The following PLA2G4C variants were observed in gnomAD, a reference collection of about 807,000 sequenced individuals.
PLA2G4C encodes cytosolic phospholipase A2 gamma.
In PLA2G4C, 64 loss-of-function variants were observed where a neutral mutation model predicts 73.8. That is an observed-to-expected ratio of 0.87 (90% CI 0.71 to 1.07). The LOEUF is 1.07. Ranked by LOEUF, PLA2G4C falls within the 50% of genes least tolerant of loss-of-function variation. PLA2G4C has a pLI of 0.00. For missense variants in PLA2G4C, 622 were observed against 665.4 expected (o/e 0.93, Z 0.72); for synonymous variants, 254 against 252.1 (o/e 1.01, Z -0.07).
chr19:48,077,723 T>G (rs1288383414), intron 11 of PLA2G4C, 48 bp downstream of exon 11: 6 of 1,372,994 alleles, frequency 4.4e-6, no homozygotes, highest in African/African-American at 1.4e-5. Flanking sequence ...CAAGCCAGTG[T>G]GCAGTCCACA....
rs539177089 is a variant in PLA2G4C at position 48,054,477 on chromosome 19, T to A, written c.1429+401A>T. On this transcript the variant is annotated intron_variant, in intron 15 of 16. Coordinates refer to ENST00000599921, the MANE Select transcript of PLA2G4C (RefSeq NM_003706.3). ...CACCACCAAGCCCAGCAATTTATTTTTTTTTGTTGTTGTATTTTTAGTAGA... is the reference window on the plus strand; with the variant it reads ...CACCACCAAGCCCAGCAATTTATTTATTTTTGTTGTTGTATTTTTAGTAGA... 4.2e-4 allele frequency among the ~76,000 whole-genome samples: 63 copies of A among 150,816 alleles called. 1 individual carries two copies. The highest frequency in any genetic ancestry group is 3.3e-3 in the East Asian group (17 of 5,136).
chr19:48,053,368 T>C lies in PLA2G4C; in HGVS notation c.1430-221A>G, dbSNP rs867702344. On this transcript the variant is annotated intron_variant, in intron 15 of 16. Transcript: ENST00000599921. Reference sequence around the variant, plus strand: ...TGCCCCTTCCGGTCCTTTTTTCTTTTTTTTTTTTTTTTTTTTTTGAGACAG... The same window carrying C: ...TGCCCCTTCCGGTCCTTTTTTCTTTCTTTTTTTTTTTTTTTTTTGAGACAG... 2.1e-3 allele frequency among the ~76,000 whole-genome samples: 189 copies of C among 89,988 alleles called. 2 individuals carry two copies. The highest frequency in any genetic ancestry group is 5.2e-3 in the African/African-American group (164 of 31,432). The allele number at this position is 89,988 out of a possible 152,430, so 59.0% of individuals were successfully genotyped here.
Position 48,082,915 on chromosome 19 carries a change from G to A in PLA2G4C, c.844+2144C>T, listed in dbSNP as rs561448089. ...CGCAAACTCTGCCTCCCAGGTTCAC[G>A]CCATTCTCCTGCCTCAGCCTCCCGA... is the stretch of plus-strand genomic sequence containing the variant. On this transcript the variant is annotated intron_variant, in intron 10 of 16. Coordinates refer to ENST00000599921, the MANE Select transcript of PLA2G4C (RefSeq NM_003706.3). Among the ~76,000 whole-genome samples, 79 of 148,840 alleles carry A rather than the reference G, an allele frequency of 5.3e-4. 1 individual carries two copies. The highest frequency in any genetic ancestry group is 1.8e-3 in the African/African-American group (74 of 40,386).
intron 13 of PLA2G4C, among the ~76,000 whole-genome samples, chr19:48,067,521 G>A (rs1011206907): frequency 2.0e-5 from 3 of 152,102 alleles, no homozygotes; most frequent in African/African-American, 7.2e-5. Flanking sequence ...AGAAATTAGG[G>A]TTTTTTGCAT....
In PLA2G4C at chr19:48,052,743, T is replaced by C. The variant is rs538058287; in HGVS notation, c.1580+254A>G. On this transcript the variant is annotated intron_variant, in intron 16 of 16. Coordinates refer to ENST00000599921, the MANE Select transcript of PLA2G4C (RefSeq NM_003706.3). ...AGCACCATGAGACCATCAATTTCTGTGAAGCCACCCAGCTAGTGGTATTTT... is the reference window on the plus strand; with the variant it reads ...AGCACCATGAGACCATCAATTTCTGCGAAGCCACCCAGCTAGTGGTATTTT... Among the ~76,000 whole-genome samples, 4 of 152,280 alleles carry C rather than the reference T, an allele frequency of 2.6e-5. No homozygotes were observed. The East Asian group carries it at 7.7e-4, about 29-fold the overall frequency.
intron 7 of PLA2G4C, among the ~76,000 whole-genome samples, chr19:48,094,626 T>C (rs1354607730): frequency 1.3e-5 from 2 of 152,186 alleles, no homozygotes; most frequent in Admixed American, 6.5e-5. Context: ...GTTGGTCCTA[T>C]GTAGGGGAGC....
intron 14 of PLA2G4C, 140 bp downstream of exon 14, chr19:48,061,858 T>G: frequency 4.9e-6 from 4 of 814,114 alleles, no homozygotes; most frequent in Admixed American, 2.2e-5. Context: ...GATGGGTGAG[T>G]TGATTTGGCT....
rs750196899 is a variant in PLA2G4C, at chr19:48,110,557, G to GGGCTCCGGAATCCGGTGCGGAGGCTTT, written c.-104_-103insAAAGCCTCCGCACCGGATTCCGGAGCC. ...GCTCCGGAATCCGGTGCGGAGGCTT[G>GGGCTCCGGAATCCGGTGCGGAGGCTTT]GGCTCCCTGCGCTTAGCGGTGTAGT... is the stretch of plus-strand genomic sequence containing the variant. On this transcript the variant is annotated 5_prime_UTR_variant, in exon 1 of 17. Transcript: ENST00000599921. The GGGCTCCGGAATCCGGTGCGGAGGCTTT allele has an allele frequency of 2.0e-6, 3 of 1,489,566 alleles. No individual in the cohort carries two copies. Among genetic ancestry groups the GGGCTCCGGAATCCGGTGCGGAGGCTTT allele is most frequent in the Non-Finnish European group, 2.7e-6 (3 of 1,119,308 alleles). The allele number at this position is 1,489,566 out of a possible 1,614,324, so 92.3% of individuals were successfully genotyped here. A position where few individuals can be genotyped will look rare whatever the true frequency, so the allele number is the denominator to read the frequency against.
chr19:48,095,708 G>A (rs2031533716), intron 6 of PLA2G4C, 104 bp from the exon 7 acceptor site: 3 of 1,209,114 alleles, frequency 2.5e-6, no homozygotes, highest in Non-Finnish European at 3.6e-6. Flanking sequence ...AACCATGACA[G>A]GAGAATGTTA....
intron 8 of PLA2G4C, among the ~76,000 whole-genome samples, chr19:48,089,304 G>T (rs943399156): frequency 6.6e-6 from 1 of 152,074 alleles, no homozygotes; most frequent in African/African-American, 2.4e-5. Flanking sequence ...GTGCGCGCCT[G>T]TAGTCCCAGT....
chr19:48,053,080 C>T lies in PLA2G4C; in HGVS notation c.1497G>A (p.Val499=), dbSNP rs145691678. Residue 499 remains valine, a synonymous_variant, in exon 16 of 17, where the codon GTG becomes GTA. Coordinates refer to ENST00000599921, the MANE Select transcript of PLA2G4C (RefSeq NM_003706.3). The stretch of plus-strand genomic sequence containing the variant: ...TGGCTAATGCCAAGAGTAGCACCAC[C>T]ACATCTAGAGTGTAGGTGTCAGCAA... ...FKLADTYTLD[V]VVLLLALAKK... The T allele has an allele frequency of 4.3e-6, 7 of 1,613,054 alleles. No homozygotes were observed. The East Asian group carries it at 1.6e-4, about 36-fold the overall frequency.
At chr19:48,076,174 G>A (rs1175812981) in intron 11 of PLA2G4C, among the ~76,000 whole-genome samples, 2 of 152,224 alleles carry the variant, frequency 1.3e-5, no homozygotes, top group Non-Finnish European at 2.9e-5. Flanking sequence ...AGTGGATGAA[G>A]GGCTGTGCTC....
chr19:48,049,502 C>T (rs1021471310), intron 16 of PLA2G4C, among the ~76,000 whole-genome samples: 11 of 151,888 alleles, frequency 7.2e-5, no homozygotes, highest in African/African-American at 2.7e-4. Flanking sequence ...TCATGTTGCC[C>T]CCCGGGAGGA....
At chr19:48,054,574 C>A (rs546353847) in intron 15 of PLA2G4C, among the ~76,000 whole-genome samples, 195 of 152,150 alleles carry the variant, frequency 1.3e-3, no homozygotes, top group African/African-American at 4.3e-3. Context: ...CTCAGCCTCC[C>A]AAAGTGCTGG....
Position 48,110,477 on chromosome 19 carries a change from C to T in PLA2G4C, c.-33+10G>A. The T allele has an allele frequency of 3.6e-6, 5 of 1,398,062 alleles. No homozygotes were observed. The highest frequency in any genetic ancestry group is 1.4e-5 in the South Asian group (1 of 70,354). 86.6% of individuals were successfully genotyped at this position (1,398,062 alleles called of 1,614,324 possible). A position where few individuals can be genotyped will look rare whatever the true frequency, so the allele number is the denominator to read the frequency against. On this transcript the variant is annotated intron_variant, in intron 1 of 16. Coordinates refer to ENST00000599921, the MANE Select transcript of PLA2G4C (RefSeq NM_003706.3). The stretch of plus-strand genomic sequence containing the variant: ...GGGATGAAACAGCCCTCCCTGCCCC[C>T]ACGGCTTGCCTGAGCCTGGGTCTGG...
intron 1 of PLA2G4C, among the ~76,000 whole-genome samples, chr19:48,106,975 T>A (rs1299331857): frequency 6.6e-6 from 1 of 151,952 alleles, no homozygotes; most frequent in African/African-American, 2.4e-5. Flanking sequence ...CTCCTGAGTA[T>A]CTGGGATTAC....
rs1022352184 is a variant in PLA2G4C at position 48,106,554 on chromosome 19, C to T, written c.-25G>A. On this transcript the variant is annotated 5_prime_UTR_variant, in exon 2 of 17. Transcript: ENST00000599921. ...TGGTGCACTGCGGTCAGAAAATTCT[C>T]AGTCCTCCTGCCAAAGAAATGGCTC... 3.1e-6 allele frequency: 5 copies of T among 1,613,170 alleles called. No homozygotes were observed. The highest frequency in any genetic ancestry group is 4.2e-6 in the Non-Finnish European group (5 of 1,179,094).
chr19:48,049,423 C>T lies in PLA2G4C; in HGVS notation c.1581-1035G>A, dbSNP rs150496553. Among the ~76,000 whole-genome samples the T allele has an allele frequency of 7.9e-5, 12 of 152,200 alleles. No individual in the cohort carries two copies. In the East Asian group the frequency reaches 1.5e-3, roughly 20 times the overall value. ...TCACTTTACTCCTCAGCACACCGCA[C>T]GTTCGGTCGTCTCCATGGCACTTAC... On this transcript the variant is annotated intron_variant, in intron 16 of 16. Coordinates refer to ENST00000599921, the MANE Select transcript of PLA2G4C (RefSeq NM_003706.3).
At chr19:48,085,494 G>A (rs1275930171) in intron 9 of PLA2G4C, among the ~76,000 whole-genome samples, 1 of 152,172 alleles carries the variant, frequency 6.6e-6, no homozygotes, top group African/African-American at 2.4e-5. Flanking sequence ...GGCCCATGCA[G>A]ATTTATGGGG....
Sources: allele counts gnomAD v4.1 joint callset (sites outside exome capture counted in the v4.1 genomes callset), GRCh38; gene constraint gnomAD v4.1.1; transcripts MANE v1.5; gene names NCBI Gene and HGNC (gene_info 2026-07-23, HGNC 2026-07-21).